Variants in UGT2B15 observed in about 807,000 individuals in gnomAD.
UGT2B15 encodes the protein UDP glucuronosyltransferase family 2 member B15.
In UGT2B15, 36 loss-of-function variants were observed where a neutral mutation model predicts 45.9. The ratio of observed to expected loss-of-function variants is 0.78; its 90% CI spans 0.60 to 1.04. The LOEUF (loss-of-function observed/expected upper bound fraction) is 1.04. Ranked by LOEUF, UGT2B15 falls within the 50% of genes least tolerant of loss-of-function variation. The pLI, the probability that UGT2B15 is intolerant of heterozygous loss-of-function variation, is 0.00. For synonymous variants in UGT2B15, 219 were observed against 216.4 expected, an observed-to-expected ratio of 1.01 and a Z score of -0.11; for missense variants, 617 against 622.4, an observed-to-expected ratio of 0.99 and a Z score of 0.09.
At chr4:68,658,151 A>G (rs1732864865) in intron 3 of UGT2B15, among the ~76,000 whole-genome samples, 1 of 152,076 alleles carries the variant, frequency 6.6e-6, no homozygotes, top group African/African-American at 2.4e-5. Flanking sequence ...GGCAAAATGT[A>G]GTTTTCATAA....
intron 1 of UGT2B15, among the ~76,000 whole-genome samples, chr4:68,668,916 A>G (rs1156303891): frequency 6.6e-6 from 1 of 151,588 alleles, no homozygotes; most frequent in African/African-American, 2.4e-5. Context: ...CTGAAGCTGC[A>G]ATAGTAACAA....
chr4:68,666,307 A>T (rs1327510825), intron 2 of UGT2B15, among the ~76,000 whole-genome samples: 2 of 152,192 alleles, frequency 1.3e-5, no homozygotes, highest in Non-Finnish European at 2.9e-5. Flanking sequence ...TTGCTAGAGA[A>T]TATAATCTTG....
intron 3 of UGT2B15, among the ~76,000 whole-genome samples, chr4:68,658,885 A>G (rs991332062): frequency 2.0e-5 from 3 of 152,024 alleles, no homozygotes; most frequent in Non-Finnish European, 4.4e-5. Flanking sequence ...ACTATCACAG[A>G]AGAGGTGGGT....
intron 1 of UGT2B15, among the ~76,000 whole-genome samples, chr4:68,669,192 T>G (rs1050219681): frequency 6.6e-6 from 1 of 152,148 alleles, no homozygotes; most frequent in Non-Finnish European, 1.5e-5. Context: ...TTTCAGAATT[T>G]ATTGACATAG....
chr4:68,658,190 C>G (rs536481509), intron 3 of UGT2B15, among the ~76,000 whole-genome samples: 10 of 151,892 alleles, frequency 6.6e-5, no homozygotes, highest in East Asian at 3.9e-4. Flanking sequence ...TATTGGCATG[C>G]TTAATGTGTG....
rs764746578 is a variant in UGT2B15, at chr4:68,668,006, G to A, written c.873+34C>T. On this transcript the variant is annotated intron_variant, in intron 2 of 5. Transcript: ENST00000338206. ...ATATCCAGCCATTCCTTCTGAAAAT[G>A]TCAAGCAAACAAATGAAACAAGAAT... 6 of 1,609,884 alleles carry A rather than the reference G, an allele frequency of 3.7e-6. No individual in the cohort carries two copies. In the African/African-American group the frequency reaches 5.4e-5, roughly 14 times the overall value.
At chr4:68,649,273 C>CTTTTTTTTTTTT (rs71218976) in intron 5 of UGT2B15, among the ~76,000 whole-genome samples, 1 of 93,260 alleles carries the variant, frequency 1.1e-5, no homozygotes, top group African/African-American at 4.1e-5. Flanking sequence ...TTCATATAAT[C>CTTTTTTTTTTTT]TTTTTTTTTT....
chr4:68,663,720 T>C (rs2109832360), intron 2 of UGT2B15, among the ~76,000 whole-genome samples: 1 of 152,094 alleles, frequency 6.6e-6, no homozygotes, highest in South Asian at 2.1e-4. Flanking sequence ...TCACTTAAAG[T>C]TAGGGTTTCC....
At chr4:68,649,185 A>T (rs566594220) in intron 5 of UGT2B15, among the ~76,000 whole-genome samples, 20 of 150,834 alleles carry the variant, frequency 1.3e-4, no homozygotes, top group Non-Finnish European at 2.8e-4. Context: ...AGAACATATA[A>T]TTTTTATGAA....
intron 3 of UGT2B15, among the ~76,000 whole-genome samples, chr4:68,656,723 A>G (rs1182268390): frequency 6.6e-6 from 1 of 152,036 alleles, no homozygotes; most frequent in Admixed American, 6.6e-5. Context: ...TCTTTTAAAG[A>G]ATTCAGAACA....
chr4:68,648,111 C>T (rs1732535838), intron 5 of UGT2B15, among the ~76,000 whole-genome samples: 2 of 152,058 alleles, frequency 1.3e-5, no homozygotes, highest in Non-Finnish European at 2.9e-5. Flanking sequence ...CTTTTGTCTT[C>T]TACCATATTT....
chr4:68,668,233 A>C (rs1355184891), intron 1 of UGT2B15, 45 bp from the exon 2 acceptor site: 1 of 1,606,136 alleles, frequency 6.2e-7, no homozygotes, highest in Non-Finnish European at 8.5e-7. Context: ...CTAACACGAG[A>C]ATTGTTATTT....
chr4:68,650,780 T>C (rs1370495044), intron 5 of UGT2B15, among the ~76,000 whole-genome samples: 5 of 152,016 alleles, frequency 3.3e-5, no homozygotes, highest in African/African-American at 1.2e-4. Context: ...TAAAAAGCTT[T>C]CCTATTTCTC....
Position 68,654,249 on chromosome 4 carries a change from G to C in UGT2B15, c.1101C>G (p.Pro367=), listed in dbSNP as rs1732739787. Residue 367 remains proline (P), a synonymous_variant, in exon 5 of 6, where the codon CCC becomes CCG. Coordinates refer to ENST00000338206, the MANE Select transcript of UGT2B15 (RefSeq NM_001076.4). Reference sequence around the variant, plus strand: ...CATGAGTTATAAAAGCTTTGGTTTTGGGATGACCTAAAAGTGGATGCATTT... The same window carrying C: ...CATGAGTTATAAAAGCTTTGGTTTTCGGATGACCTAAAAGTGGATGCATTT... ...WLPQNDLLGH[P]KTKAFITHGG... is the part of the protein sequence containing the mutation. 1.2e-6 allele frequency: 2 copies of C among 1,613,094 alleles called. No individual in the cohort carries two copies. Among genetic ancestry groups the C allele is most frequent in the Non-Finnish European group, 1.7e-6 (2 of 1,179,350 alleles).
intron 5 of UGT2B15, among the ~76,000 whole-genome samples, chr4:68,649,837 T>C (rs1332287665): frequency 6.6e-6 from 1 of 151,868 alleles, no homozygotes; most frequent in East Asian, 1.9e-4. Context: ...TTTGTTTTTT[T>C]GCTTTTTTGT....
At chr4:68,665,199 C>A (rs756209089) in intron 2 of UGT2B15, among the ~76,000 whole-genome samples, 18 of 151,912 alleles carry the variant, frequency 1.2e-4, no homozygotes, top group Non-Finnish European at 2.2e-4. Context: ...AAATGTGTGC[C>A]ATTTCATTAT....
In UGT2B15 at chr4:68,654,148, T is replaced by C. The variant is rs745753357; in HGVS notation, c.1202A>G (p.His401Arg). The change falls in exon 5 of 6, where the codon CAT (histidine) becomes CGT (arginine). Residue 401 changes from histidine (H) to arginine (R), a missense_variant. Physicochemically the swap from His to Arg is conservative, Grantham distance 29 (BLOSUM62 0). Coordinates refer to ENST00000338206, the MANE Select transcript of UGT2B15 (RefSeq NM_001076.4). ...MVGIPLFADQHDNIAHMKAKG... is the reference protein window; with the variant it reads ...MVGIPLFADQRDNIAHMKAKG... ...GGCTTTCATGTGAGCAATGTTATCATGTTGATCCGCAAACAAGGGAATGCC... is the reference window on the plus strand; with the variant it reads ...GGCTTTCATGTGAGCAATGTTATCACGTTGATCCGCAAACAAGGGAATGCC... 1.9e-6 allele frequency: 3 copies of C among 1,613,672 alleles called. No homozygotes were observed. The highest frequency in any genetic ancestry group is 8.5e-7 in the Non-Finnish European group (1 of 1,179,712).
At position 68,654,104 on chromosome 4, in the gene UGT2B15, C is replaced by T. The variant is rs1438371464; in HGVS notation, c.1246G>A (p.Val416Met). 1 of 1,613,648 alleles carries T rather than the reference C, an allele frequency of 6.2e-7. No homozygotes were observed. Among genetic ancestry groups the T allele is most frequent in the East Asian group, 2.2e-5 (1 of 44,884 alleles). Reference protein sequence around the residue: ...HMKAKGAALSVDIRTMSSRDL... With the variant: ...HMKAKGAALSMDIRTMSSRDL... The stretch of plus-strand genomic sequence containing the variant: ...CTACTTGACATGGTCCTGATGTCCA[C>T]ACTGAGGGCTGCTCCCTTGGCTTTC... Residue 416 changes from valine (V) to methionine (M), a missense_variant, in exon 5 of 6, where the codon GTG becomes ATG. Physicochemically the swap from Val to Met is conservative, Grantham distance 21. Transcript: ENST00000338206.
intron 3 of UGT2B15, among the ~76,000 whole-genome samples, chr4:68,659,192 C>T (rs1035452319): frequency 7.9e-5 from 12 of 151,948 alleles, no homozygotes; most frequent in Non-Finnish European, 1.6e-4. Flanking sequence ...CAAATTGAGT[C>T]TCCTCTCTCA....
Sources: gnomAD v4.1 joint callset for allele counts (sites outside exome capture counted in the v4.1 genomes callset) on GRCh38, gnomAD v4.1.1 for gene constraint, MANE v1.5 for transcripts, NCBI Gene and HGNC (gene_info 2026-07-23, HGNC 2026-07-21) for gene names.